The following XKR4 variants were observed in gnomAD, a reference collection of about 807,000 sequenced individuals.
XKR4 encodes XK related 4, also known as XK-related protein 4.
In XKR4, 12 loss-of-function variants were observed where a neutral mutation model predicts 53.9. That is an observed-to-expected ratio of 0.22 (90% CI 0.14 to 0.36). The LOEUF (loss-of-function observed/expected upper bound fraction) is 0.36. Among genes scored for constraint, XKR4 ranks in the 10% least tolerant of loss-of-function variants. The pLI, the probability that XKR4 is intolerant of heterozygous loss-of-function variation, is 1.00. For missense variants in XKR4, 799 were observed against 859.5 expected (o/e 0.93, Z 0.88); for synonymous variants, 354 against 362.4 (o/e 0.98, Z 0.26).
intron 2 of XKR4, among the ~76,000 whole-genome samples, chr8:55,385,956 G>A (rs1248741975): frequency 2.6e-5 from 4 of 152,062 alleles, no homozygotes; most frequent in Non-Finnish European, 1.5e-5. Flanking sequence ...TAATTGCTTA[G>A]ATATTTCATA....
chr8:55,510,379 G>A (rs967468015), intron 2 of XKR4, among the ~76,000 whole-genome samples: 13 of 152,142 alleles, frequency 8.5e-5, no homozygotes, highest in African/African-American at 2.9e-4. Flanking sequence ...TATCTTGTGG[G>A]GACATAAATA....
intron 1 of XKR4, among the ~76,000 whole-genome samples, chr8:55,191,198 C>A (rs892179150): frequency 6.6e-6 from 1 of 152,098 alleles, no homozygotes; most frequent in Non-Finnish European, 1.5e-5. Context: ...TAAAGACCAC[C>A]TCCACCTCCT....
At chr8:55,402,216 C>T (rs1804611671) in intron 2 of XKR4, among the ~76,000 whole-genome samples, 1 of 152,138 alleles carries the variant, frequency 6.6e-6, no homozygotes, top group Non-Finnish European at 1.5e-5. Context: ...GTCTACTGGC[C>T]ACACTTTGGG....
chr8:55,191,935 T>G (rs1354293951), intron 1 of XKR4, among the ~76,000 whole-genome samples: 1 of 151,750 alleles, frequency 6.6e-6, no homozygotes, highest in Non-Finnish European at 1.5e-5. Context: ...TCTAGTCACT[T>G]TCTTATCGTT....
intron 2 of XKR4, among the ~76,000 whole-genome samples, chr8:55,462,119 G>A (rs1585587430): frequency 6.6e-6 from 1 of 152,234 alleles, no homozygotes; most frequent in African/African-American, 2.4e-5. Flanking sequence ...AGAAAATACA[G>A]AGAATGTCAC....
chr8:55,465,276 T>C (rs1196698548), intron 2 of XKR4, among the ~76,000 whole-genome samples: 3 of 152,128 alleles, frequency 2.0e-5, no homozygotes, highest in Admixed American at 1.3e-4. Context: ...ATGGTACTGG[T>C]ACCAAAACAG....
At chr8:55,451,664 G>A (rs1805449116) in intron 2 of XKR4, 1 of 1,555,638 alleles carries the variant, frequency 6.4e-7, no homozygotes, top group African/African-American at 1.3e-5. Context: ...TGGACACTCT[G>A]GGGCACGATC....
intron 1 of XKR4, among the ~76,000 whole-genome samples, chr8:55,203,233 G>A (rs889332662): frequency 2.0e-5 from 3 of 152,294 alleles, no homozygotes; most frequent in African/African-American, 2.4e-5. Context: ...GCACTATTGC[G>A]CCTGCCATGC....
chr8:55,161,578 A>C (rs1445863826), intron 1 of XKR4: 3 of 456,164 alleles, frequency 6.6e-6, no homozygotes, highest in African/African-American at 2.0e-5. Flanking sequence ...GTCCTAGACA[A>C]GTTGTCTGCA....
chr8:55,174,878 G>A (rs1375915240), intron 1 of XKR4, among the ~76,000 whole-genome samples: 8 of 152,146 alleles, frequency 5.3e-5, no homozygotes, highest in African/African-American at 1.4e-4. Flanking sequence ...CTCAGCCAAC[G>A]ATCCCATATC....
intron 2 of XKR4, chr8:55,453,438 T>C (rs979913315): frequency 2.5e-5 from 10 of 398,638 alleles, no homozygotes; most frequent in Admixed American, 6.6e-5. Context: ...AGCAGCTTCT[T>C]GGCCTCAAGC....
At chr8:55,244,427 A>G (rs1818254517) in intron 1 of XKR4, among the ~76,000 whole-genome samples, 1 of 152,188 alleles carries the variant, frequency 6.6e-6, no homozygotes, top group Admixed American at 6.5e-5. Context: ...GTAGCATTCC[A>G]TGGTGTATAT....
chr8:55,204,386 A>G (rs1817616255), intron 1 of XKR4, among the ~76,000 whole-genome samples: 1 of 152,234 alleles, frequency 6.6e-6, no homozygotes, highest in Admixed American at 6.5e-5. Context: ...TACATTATAT[A>G]TAATTTTTTC....
chr8:55,148,376 G>A (rs1012292320), intron 1 of XKR4, among the ~76,000 whole-genome samples: 2 of 152,044 alleles, frequency 1.3e-5, no homozygotes, highest in African/African-American at 2.4e-5. Context: ...CTGCACTCCA[G>A]TGTGGGTAAC....
intron 2 of XKR4, among the ~76,000 whole-genome samples, chr8:55,410,225 G>A (rs1265383116): frequency 2.6e-5 from 4 of 151,958 alleles, no homozygotes; most frequent in South Asian, 2.1e-4. Context: ...ACTGCTGCTC[G>A]CTGCCAGAAG....
intron 2 of XKR4, among the ~76,000 whole-genome samples, chr8:55,479,913 T>G (rs1265782136): frequency 6.6e-6 from 1 of 152,048 alleles, no homozygotes; most frequent in Non-Finnish European, 1.5e-5. Context: ...AATCAATAGC[T>G]TACCAAGCAA....
At chr8:55,293,889 G>C (rs1445421668) in intron 1 of XKR4, among the ~76,000 whole-genome samples, 1 of 152,080 alleles carries the variant, frequency 6.6e-6, no homozygotes, top group Non-Finnish European at 1.5e-5. Context: ...TAACCATCCA[G>C]TCTTGATTTA....
At chr8:55,209,945 T>C (rs1350828003) in intron 1 of XKR4, among the ~76,000 whole-genome samples, 1 of 148,030 alleles carries the variant, frequency 6.8e-6, no homozygotes, top group Non-Finnish European at 1.5e-5. Flanking sequence ...ACAGAATCTT[T>C]GGGAGTACTT....
At position 55,523,768 on chromosome 8, in the gene XKR4, C is replaced by A; in HGVS notation, c.1494C>A (p.Ser498Arg). The A allele has an allele frequency of 6.2e-7, 1 of 1,614,176 alleles. No individual in the cohort carries two copies. The highest frequency in any genetic ancestry group is 8.5e-7 in the Non-Finnish European group (1 of 1,180,046). ...AIPALCVVFS[S>R]FLTGVVFMLM... is the part of the protein sequence containing the mutation. ...CAGCGCTGTGTGTGGTGTTCAGCAG[C>A]TTTTTAACTGGCGTTGTTTTTATGC... is the stretch of plus-strand genomic sequence containing the variant. The change falls in exon 3 of 3, where the codon AGC (serine) becomes AGA (arginine). Residue 498 changes from serine to arginine, a missense_variant. Ser to Arg is a moderately radical substitution (Grantham distance 110). Coordinates refer to ENST00000327381, the MANE Select transcript of XKR4 (RefSeq NM_052898.2).
Sources: gnomAD v4.1 joint callset for allele counts (sites outside exome capture counted in the v4.1 genomes callset) on GRCh38, gnomAD v4.1.1 for gene constraint, MANE v1.5 for transcripts, NCBI Gene and HGNC (gene_info 2026-07-23, HGNC 2026-07-21) for gene names.